DSTYK: variants seen among roughly 807,000 people sequenced by gnomAD.
The protein encoded by DSTYK is dual serine/threonine and tyrosine protein kinase.
Under a neutral mutation model 98.7 loss-of-function variants are expected in DSTYK, and 34 were observed. That is an observed-to-expected ratio of 0.34 (90% CI 0.26 to 0.46). The LOEUF is 0.46. Among genes scored for constraint, DSTYK ranks in the 20% least tolerant of loss-of-function variants. DSTYK has a pLI of 1.00. For missense variants in DSTYK, 962 were observed against 1,181.7 expected (o/e 0.81, Z 2.73); for synonymous variants, 462 against 457.3 (o/e 1.01, Z -0.13).
At chr1:205,202,445 AGCTT>A (rs751599538) in intron 1 of DSTYK, 2 of 765,916 alleles carry the variant, frequency 2.6e-6, no homozygotes, top group South Asian at 1.3e-5. Flanking sequence ...TGGCCCAAAA[AGCTT>A]GCTGAATTTT....
At chr1:205,152,203 G>GTT (rs1657423973) in intron 10 of DSTYK, among the ~76,000 whole-genome samples, 1 of 152,176 alleles carries the variant, frequency 6.6e-6, no homozygotes, top group South Asian at 2.1e-4. Flanking sequence ...TTGAGAAGGA[G>GTT]TTTCGCTCTT....
In DSTYK at chr1:205,169,976, C is replaced by T. The variant is rs866896616; in HGVS notation, c.655-144G>A. The T allele has an allele frequency of 1.4e-6, 1 of 737,944 alleles. No homozygotes were observed. Among genetic ancestry groups the T allele is most frequent in the Middle Eastern group, 3.8e-4 (1 of 2,598 alleles). 45.7% of individuals were successfully genotyped at this position (737,944 alleles called of 1,614,324 possible). A position where few individuals can be genotyped will look rare whatever the true frequency, so the allele number is the denominator to read the frequency against. ...CCCCAGCCATTGATCCACCTCCTTC[C>T]TCGGTTACCAACACTCCCTGGTGCA... On this transcript the variant is annotated intron_variant, in intron 2 of 12. Transcript: ENST00000367162. This position sits in a 1 kb window ranked among gnomAD's most constrained non-coding sequence, Gnocchi z 4.0.
chr1:205,167,370 A>G (rs1246586884), intron 3 of DSTYK, among the ~76,000 whole-genome samples: 1 of 152,222 alleles, frequency 6.6e-6, no homozygotes. Context: ...ACTGCACTCC[A>G]GTCTGGATGG....
intron 2 of DSTYK, among the ~76,000 whole-genome samples, chr1:205,184,641 A>G (rs1243067461): frequency 6.6e-6 from 1 of 152,120 alleles, no homozygotes; most frequent in Non-Finnish European, 1.5e-5. Flanking sequence ...TTTTTTTGAG[A>G]CAGGGTCTCA....
In DSTYK at chr1:205,160,247, G is replaced by T. The variant is rs779196153; in HGVS notation, c.1972C>A (p.Leu658Met). ...LHRKPKLGQE[L>M]GRGQYGVVYL... The stretch of plus-strand genomic sequence containing the variant: ...ACCACACCATACTGGCCCCGGCCCA[G>T]TTCCTGTCCCAGTTTAGGTTTACCT... The change falls in exon 8 of 13, where the codon CTG becomes ATG. Residue 658 changes from leucine to methionine, a missense_variant. This residue lies in a region of DSTYK where 660 missense variants were observed against 855.0 expected (regional missense o/e 0.77). Transcript: ENST00000367162. 6.2e-7 allele frequency: 1 copy of T among 1,614,040 alleles called. No homozygotes were observed. Among genetic ancestry groups the T allele is most frequent in the East Asian group, 2.2e-5 (1 of 44,880 alleles).
Position 205,150,616 on chromosome 1 carries a change from G to T in DSTYK, c.2467+64C>A, listed in dbSNP as rs1368752208. Reference sequence around the variant, plus strand: ...TAGTGATTGTGGAAACGAGCTCAAGGGGTAGCACTCAGGATTAAAGTAGTA... The same window carrying T: ...TAGTGATTGTGGAAACGAGCTCAAGTGGTAGCACTCAGGATTAAAGTAGTA... On this transcript the variant is annotated intron_variant, in intron 11 of 12. Coordinates refer to ENST00000367162, the MANE Select transcript of DSTYK (RefSeq NM_015375.3). This position sits in a 1 kb window ranked among gnomAD's most constrained non-coding sequence, Gnocchi z 4.1. 8 of 1,312,670 alleles carry T rather than the reference G, an allele frequency of 6.1e-6. No individual in the cohort carries two copies. In the African/African-American group the frequency reaches 8.7e-5, roughly 14 times the overall value. The allele number at this position is 1,312,670 out of a possible 1,614,324, so 81.3% of individuals were successfully genotyped here.
rs1659393021 is a variant in DSTYK at position 205,211,689 on chromosome 1, A to G, written c.-154T>C. The G allele has an allele frequency of 8.8e-6, 9 of 1,018,968 alleles. No individual in the cohort carries two copies. Among genetic ancestry groups the G allele is most frequent in the Non-Finnish European group, 1.2e-5 (9 of 739,918 alleles). The allele number at this position is 1,018,968 out of a possible 1,614,324, so 63.1% of individuals were successfully genotyped here. On this transcript the variant is annotated 5_prime_UTR_variant, in exon 1 of 13. Coordinates refer to ENST00000367162, the MANE Select transcript of DSTYK (RefSeq NM_015375.3). ...TCCCAACCTCCGTCACTGCCGTTGC[A>G]AACAAACCAAACCGCAGTGCGCCGC...
intron 2 of DSTYK, among the ~76,000 whole-genome samples, chr1:205,173,674 A>G (rs1424320881): frequency 6.6e-6 from 1 of 151,576 alleles, no homozygotes; most frequent in Non-Finnish European, 1.5e-5. Context: ...TGTGCACAAC[A>G]GAAACATCAG....
chr1:205,169,298 T>C lies in DSTYK; in HGVS notation c.1189A>G (p.Lys397Glu). Residue 397 changes from lysine (K) to glutamate (E), a missense_variant, in exon 3 of 13, where the codon AAG becomes GAG. By Grantham distance (56) the Lys-to-Glu change is moderately conservative. Around this residue, in one of 4 missense-constraint regions of DSTYK, gnomAD observed 660 missense variants for 855.0 expected, o/e 0.77. Transcript: ENST00000367162. The surrounding 1 kb of genome is among the most constrained non-coding windows in gnomAD (Gnocchi z 4.0). ...AATGATTCATACAACTCATTCTCCTTTTTTCGAGTATATTCCAGACGTTTG... is the reference window on the plus strand; with the variant it reads ...AATGATTCATACAACTCATTCTCCTCTTTTCGAGTATATTCCAGACGTTTG... ...TPKRLEYTRK[K>E]ENELYESLMN... 6.2e-7 allele frequency: 1 copy of C among 1,614,156 alleles called. No homozygotes were observed. The highest frequency in any genetic ancestry group is 8.5e-7 in the Non-Finnish European group (1 of 1,180,038).
At chr1:205,175,790 A>G (rs1286544196) in intron 2 of DSTYK, among the ~76,000 whole-genome samples, 2 of 152,222 alleles carry the variant, frequency 1.3e-5, no homozygotes, top group Non-Finnish European at 1.5e-5. Flanking sequence ...GGATGGCTAT[A>G]TACCTTCTTA....
At chr1:205,203,718 C>A (rs1173169723) in intron 1 of DSTYK, among the ~76,000 whole-genome samples, 1 of 151,880 alleles carries the variant, frequency 6.6e-6, no homozygotes, top group Non-Finnish European at 1.5e-5. Context: ...GAGTTCCAGA[C>A]CAGCCTGACC....
intron 3 of DSTYK, among the ~76,000 whole-genome samples, chr1:205,164,596 C>T (rs974756448): frequency 2.6e-5 from 4 of 151,698 alleles, no homozygotes; most frequent in African/African-American, 4.8e-5. Context: ...CGAGTAGCTG[C>T]GACTACAGGC....
chr1:205,194,381 CA>C (rs1658800532), intron 1 of DSTYK, among the ~76,000 whole-genome samples: 1 of 152,126 alleles, frequency 6.6e-6, no homozygotes, highest in Non-Finnish European at 1.5e-5. Context: ...GAAGGCACTA[CA>C]AAAGTTGGTG....
At chr1:205,177,809 G>C (rs767327466) in intron 2 of DSTYK, among the ~76,000 whole-genome samples, 16 of 151,932 alleles carry the variant, frequency 1.1e-4, no homozygotes, top group Non-Finnish European at 1.9e-4. Flanking sequence ...GGAGGTTGCA[G>C]TGAGCCAAGA....
chr1:205,180,192 C>T (rs558776370), intron 2 of DSTYK, among the ~76,000 whole-genome samples: 1 of 145,864 alleles, frequency 6.9e-6, no homozygotes, highest in Non-Finnish European at 1.5e-5. Context: ...GTTTGCTGCA[C>T]CTATCAACCC....
Position 205,190,485 on chromosome 1 carries a change from G to C in DSTYK, c.266-2679C>G, listed in dbSNP as rs555654050. 3.9e-5 allele frequency among the ~76,000 whole-genome samples: 6 copies of C among 151,988 alleles called. No individual in the cohort carries two copies. The East Asian group carries it at 1.2e-3, about 29-fold the overall frequency. ...ATTAAAAATACAAAAAATCAGCTGG[G>C]CGTGGTGGTAATCCCAGCTACTCGG... On this transcript the variant is annotated intron_variant, in intron 1 of 12. Transcript: ENST00000367162.
intron 10 of DSTYK, among the ~76,000 whole-genome samples, chr1:205,154,713 T>A (rs1657506510): frequency 6.6e-6 from 1 of 152,178 alleles, no homozygotes; most frequent in African/African-American, 2.4e-5. Context: ...TTTGGAGGGC[T>A]CAGAAGAAGA....
rs1405401537 is a variant in DSTYK, at chr1:205,211,478, C to A, written c.58G>T (p.Gly20Cys). 1 of 1,585,710 alleles carries A rather than the reference C, an allele frequency of 6.3e-7. No individual in the cohort carries two copies. The highest frequency in any genetic ancestry group is 1.7e-5 in the Admixed American group (1 of 58,114). ...CACAGCTCGCGGATCATTCCGCCGC[C>A]GCCGGGGCCGGGACCCGAGACGGGC... is the stretch of plus-strand genomic sequence containing the variant. ...SEPVSGPGPG[G>C]GGMIRELCRG... is the part of the protein sequence containing the mutation. The change falls in exon 1 of 13, where the codon GGC becomes TGC. Residue 20 changes from glycine (G) to cysteine (C), a missense_variant. Transcript: ENST00000367162.
chr1:205,188,434 T>C (rs1174016741), intron 1 of DSTYK, among the ~76,000 whole-genome samples: 1 of 152,182 alleles, frequency 6.6e-6, no homozygotes, highest in African/African-American at 2.4e-5. Context: ...CTATTGTTCC[T>C]AGGCTACAAA....
Sources: allele counts gnomAD v4.1 joint callset (sites outside exome capture counted in the v4.1 genomes callset), GRCh38; gene constraint gnomAD v4.1.1; regional missense constraint gnomAD v4.1.1; non-coding constraint Gnocchi (gnomAD v3.1); transcripts MANE v1.5; gene names NCBI Gene and HGNC (gene_info 2026-07-23, HGNC 2026-07-21).